The following FAAH variants were observed in gnomAD, a reference collection of about 807,000 sequenced individuals.
FAAH encodes fatty-acid amide hydrolase 1.
Under a neutral mutation model 69.7 loss-of-function variants are expected in FAAH, and 63 were observed. That is an observed-to-expected ratio of 0.90 (90% CI 0.74 to 1.12). The LOEUF is 1.12. FAAH is among the 50% of genes most tolerant of loss of function. FAAH has a pLI of 0.00. For missense variants in FAAH, 680 were observed against 755.0 expected (o/e 0.90, Z 1.16); for synonymous variants, 305 against 324.2 (o/e 0.94, Z 0.64).
chr1:46,404,873 C>T lies in FAAH; in HGVS notation c.310-141C>T. 9.1e-7 allele frequency: 1 copy of T among 1,102,508 alleles called. No homozygotes were observed. The allele number at this position is 1,102,508 out of a possible 1,614,324, so 68.3% of individuals were successfully genotyped here. ...GCTGAGCCCTAGGTCATCCTCTGTG[C>T]CCCAGGCTCTGGGCCATGTTGCTGG... On this transcript the variant is annotated intron_variant, in intron 2 of 14. Coordinates refer to ENST00000243167, the MANE Select transcript of FAAH (RefSeq NM_001441.3). This position sits in a 1 kb window ranked among gnomAD's most constrained non-coding sequence, Gnocchi z 4.5.
At chr1:46,395,158 C>A (rs1664574769) in intron 1 of FAAH, among the ~76,000 whole-genome samples, 1 of 152,214 alleles carries the variant, frequency 6.6e-6, no homozygotes, top group South Asian at 2.1e-4. Context: ...CCAGGCTGAT[C>A]TCAAACGCCT....
At position 46,410,711 on chromosome 1, in the gene FAAH, G is replaced by T; in HGVS notation, c.1276-103G>T. The T allele has an allele frequency of 6.9e-7, 1 of 1,446,392 alleles. No individual in the cohort carries two copies. Among genetic ancestry groups the T allele is most frequent in the Non-Finnish European group, 9.7e-7 (1 of 1,027,268 alleles). 89.6% of individuals were successfully genotyped at this position (1,446,392 alleles called of 1,614,324 possible). On this transcript the variant is annotated intron_variant, in intron 10 of 14. Transcript: ENST00000243167. The surrounding 1 kb of genome is among the most constrained non-coding windows in gnomAD (Gnocchi z 4.9). ...AAAGGGGTGCCGACCTGGGCCCTGG[G>T]GGGAGGCATGGAGGGAGGGGTCCCC...
intron 1 of FAAH, among the ~76,000 whole-genome samples, chr1:46,401,210 G>A (rs985392845): frequency 3.3e-5 from 5 of 150,634 alleles, no homozygotes; most frequent in Admixed American, 6.6e-5. Flanking sequence ...AGGAATGGAA[G>A]CAGGAGGAGG....
chr1:46,413,619 C>T lies in FAAH; in HGVS notation c.*44C>T, dbSNP rs745859075. ...ACCTGAGACTCACACTCTCTGCAGCCCAGCCTAGTCAGGGCACAGCTGCCC... is the reference window on the plus strand; with the variant it reads ...ACCTGAGACTCACACTCTCTGCAGCTCAGCCTAGTCAGGGCACAGCTGCCC... On this transcript the variant is annotated 3_prime_UTR_variant, in exon 15 of 15. Coordinates refer to ENST00000243167, the MANE Select transcript of FAAH (RefSeq NM_001441.3). 9 of 1,613,496 alleles carry T rather than the reference C, an allele frequency of 5.6e-6. No individual in the cohort carries two copies. Among genetic ancestry groups the T allele is most frequent in the Non-Finnish European group, 7.6e-6 (9 of 1,179,690 alleles).
chr1:46,403,754 T>C (rs1664744659), intron 2 of FAAH, among the ~76,000 whole-genome samples: 1 of 152,248 alleles, frequency 6.6e-6, no homozygotes, highest in Non-Finnish European at 1.5e-5. Context: ...GGGTTTCCTC[T>C]TCCAGGCCTA....
rs751932959 is a variant in FAAH at position 46,413,236 on chromosome 1, C to T, written c.1611+16C>T. The T allele has an allele frequency of 3.7e-6, 6 of 1,613,860 alleles. No individual in the cohort carries two copies. Among genetic ancestry groups the T allele is most frequent in the South Asian group, 3.3e-5 (3 of 91,062 alleles). On this transcript the variant is annotated intron_variant, in intron 14 of 14. Coordinates refer to ENST00000243167, the MANE Select transcript of FAAH (RefSeq NM_001441.3). ...GCTGCAGAAGGTGAGGACTGACCTG[C>T]CCCTCAACTGGACTCACTCCCCACC...
At position 46,410,324 on chromosome 1, in the gene FAAH, T is replaced by C; in HGVS notation, c.1176-74T>C. The C allele has an allele frequency of 8.7e-7, 1 of 1,144,934 alleles. No homozygotes were observed. Among genetic ancestry groups the C allele is most frequent in the Non-Finnish European group, 1.3e-6 (1 of 752,488 alleles). 70.9% of individuals were successfully genotyped at this position (1,144,934 alleles called of 1,614,324 possible). A position where few individuals can be genotyped will look rare whatever the true frequency, so the allele number is the denominator to read the frequency against. On this transcript the variant is annotated intron_variant, in intron 9 of 14. Coordinates refer to ENST00000243167, the MANE Select transcript of FAAH (RefSeq NM_001441.3). The surrounding 1 kb of genome is among the most constrained non-coding windows in gnomAD (Gnocchi z 4.9). ...AGGATCCCTGCATAGAGAATGGGAT[T>C]GCTGTGGGCCGGGCGAGCAAGCTGG... is the stretch of plus-strand genomic sequence containing the variant.
chr1:46,395,407 T>C (rs2148442383), intron 1 of FAAH, among the ~76,000 whole-genome samples: 1 of 152,302 alleles, frequency 6.6e-6, no homozygotes, highest in South Asian at 2.1e-4. Context: ...GTTCCAGCCC[T>C]CCGTGGGTGG....
At position 46,413,787 on chromosome 1, in the gene FAAH, C is replaced by G; in HGVS notation, c.*212C>G. On this transcript the variant is annotated 3_prime_UTR_variant, in exon 15 of 15. Transcript: ENST00000243167. ...CTCTCTTCGTCCTGATCCCTCCACC[C>G]CCATGTGGCAGCCCATGGGTATGAC... 1.6e-6 allele frequency: 1 copy of G among 642,840 alleles called. No individual in the cohort carries two copies. Among genetic ancestry groups the G allele is most frequent in the Non-Finnish European group, 2.7e-6 (1 of 370,352 alleles). The allele number at this position is 642,840 out of a possible 1,614,324, so 39.8% of individuals were successfully genotyped here. A position where few individuals can be genotyped will look rare whatever the true frequency, so the allele number is the denominator to read the frequency against.
intron 1 of FAAH, among the ~76,000 whole-genome samples, chr1:46,397,268 T>C (rs1664613399): frequency 6.6e-6 from 1 of 152,248 alleles, no homozygotes; most frequent in African/African-American, 2.4e-5. Flanking sequence ...TCCACCTGGC[T>C]GGCAGGGGTG....
chr1:46,396,620 T>C (rs1279870585), intron 1 of FAAH, among the ~76,000 whole-genome samples: 1 of 152,182 alleles, frequency 6.6e-6, no homozygotes, highest in Non-Finnish European at 1.5e-5. Flanking sequence ...CCAAGCATAC[T>C]GCCTGCAAAC....
Position 46,404,895 on chromosome 1 carries a change from C to G in FAAH, c.310-119C>G, listed in dbSNP as rs1664762405. 5.1e-6 allele frequency: 7 copies of G among 1,370,494 alleles called. No individual in the cohort carries two copies. Among genetic ancestry groups the G allele is most frequent in the Admixed American group, 1.9e-5 (1 of 53,428 alleles). 84.9% of individuals were successfully genotyped at this position (1,370,494 alleles called of 1,614,324 possible). ...GTGCCCCAGGCTCTGGGCCATGTTG[C>G]TGGTTACCCCTCTCCCTGGGTATAC... On this transcript the variant is annotated intron_variant, in intron 2 of 14. Transcript: ENST00000243167. This position sits in a 1 kb window ranked among gnomAD's most constrained non-coding sequence, Gnocchi z 4.5.
In FAAH at chr1:46,413,000, T is replaced by G. The variant is rs188356352; in HGVS notation, c.1466-75T>G. The G allele has an allele frequency of 2.4e-3, 3,748 of 1,571,788 alleles. 5 individuals carry two copies. Among genetic ancestry groups the G allele is most frequent in the Non-Finnish European group, 2.7e-3 (3,120 of 1,145,568 alleles). On this transcript the variant is annotated intron_variant, in intron 13 of 14. Transcript: ENST00000243167. The stretch of plus-strand genomic sequence containing the variant: ...TGTAGACACAGGGTGCCATTTCATA[T>G]GAGGTTTGACTCAGGCCCGGAGTTG...
chr1:46,411,691 G>A lies in FAAH; in HGVS notation c.1356+40G>A. 1.2e-6 allele frequency: 2 copies of A among 1,611,470 alleles called. No homozygotes were observed. The highest frequency in any genetic ancestry group is 8.5e-7 in the Non-Finnish European group (1 of 1,178,122). ...TCTGGATTGGAGCAGGGTGGTGGGG[G>A]GAGGGTGGAGTTGGACAGGGTACCC... On this transcript the variant is annotated intron_variant, in intron 12 of 14. Transcript: ENST00000243167. This position sits in a 1 kb window ranked among gnomAD's most constrained non-coding sequence, Gnocchi z 4.8.
In FAAH at chr1:46,405,367, C is replaced by G. The variant is rs200731801; in HGVS notation, c.445-5C>G. The G allele has an allele frequency of 3.1e-6, 5 of 1,609,724 alleles. No individual in the cohort carries two copies. The African/African-American group carries it at 6.7e-5, about 21-fold the overall frequency. On this transcript the variant is annotated splice_region_variant and splice_polypyrimidine_tract_variant and intron_variant, in intron 3 of 14. Transcript: ENST00000243167. The surrounding 1 kb of genome is among the most constrained non-coding windows in gnomAD (Gnocchi z 4.1). ...CTCCCTTCTGGTGCCCATCCCTCCT[C>G]CCAGGGCCAGGACTCCACGCTGGGC...
At chr1:46,402,285 C>A in intron 2 of FAAH, 81 bp downstream of exon 2, 1 of 1,213,854 alleles carries the variant, frequency 8.2e-7, no homozygotes, top group South Asian at 1.3e-5. Flanking sequence ...CTCCCTCTGT[C>A]CGCACAGGCT....
rs201352685 is a variant in FAAH at position 46,406,305 on chromosome 1, C to T, written c.888C>T (p.Ala296=). Residue 296 remains alanine (A), a synonymous_variant, in exon 7 of 15, where the codon GCC becomes GCT. Transcript: ENST00000243167. ...DVESLALCLR[A]LLCEDMFRLD... ...AGAGCCTGGCACTGTGCCTGCGAGC[C>T]CTGCTGTGTGAGGACATGTTCCGCT... is the stretch of plus-strand genomic sequence containing the variant. 24 of 1,613,764 alleles carry T rather than the reference C, an allele frequency of 1.5e-5. No individual in the cohort carries two copies. The East Asian group carries it at 5.3e-4, about 36-fold the overall frequency.
rs774259908 is a variant in FAAH at position 46,394,327 on chromosome 1, G to A, written c.-22G>A. 1 of 1,547,690 alleles carries A rather than the reference G, an allele frequency of 6.5e-7. No homozygotes were observed. Among genetic ancestry groups the A allele is most frequent in the South Asian group, 1.2e-5 (1 of 83,634 alleles). On this transcript the variant is annotated 5_prime_UTR_variant, in exon 1 of 15. Coordinates refer to ENST00000243167, the MANE Select transcript of FAAH (RefSeq NM_001441.3). ...GCGGCGGCTTCAACTGTCGCGGTAG[G>A]CAGCAGCAGGCTGAAGGGATCATGG...
chr1:46,402,271 T>TC (rs922290419), intron 2 of FAAH, 67 bp downstream of exon 2: 34 of 1,297,760 alleles, frequency 2.6e-5, no homozygotes, highest in South Asian at 1.3e-4. Context: ...CCCCTCCCTT[T>TC]CCCCTCCCTC....
Sources: allele counts gnomAD v4.1 joint callset (sites outside exome capture counted in the v4.1 genomes callset), GRCh38; gene constraint gnomAD v4.1.1; non-coding constraint Gnocchi (gnomAD v3.1); transcripts MANE v1.5; gene names NCBI Gene and HGNC (gene_info 2026-07-23, HGNC 2026-07-21).